RGPD2: variants seen among roughly 807,000 people sequenced by gnomAD.
The protein encoded by RGPD2 is RANBP2 like and GRIP domain containing 2, also known as RANBP2-like and GRIP domain-containing protein 2.
Under a neutral mutation model 36.0 loss-of-function variants are expected in RGPD2, and 2 were observed. That is an observed-to-expected ratio of 0.06 (90% CI 0.02 to 0.17). The LOEUF (loss-of-function observed/expected upper bound fraction) is 0.17, where lower values mean the gene tolerates loss of function less well. Among genes scored for constraint, RGPD2 ranks in the 10% least tolerant of loss-of-function variants. The probability of loss-of-function intolerance (pLI) is 1.00; values close to 1 mark genes in which losing one functional copy is unlikely to be tolerated. For synonymous variants in RGPD2, 19 were observed against 163.8 expected (o/e 0.12, Z 6.75); for missense variants, 40 against 464.3 (o/e 0.09, Z 8.40).
the RGPD2 span, among the ~76,000 whole-genome samples, chr2:87,987,899 T>C: frequency 1.1e-5 from 1 of 91,344 alleles, no homozygotes; most frequent in South Asian, 5.3e-4. Flanking sequence ...TTTGTTTTTA[T>C]TTATTTAATT....
the RGPD2 span, among the ~76,000 whole-genome samples, chr2:87,834,067 T>C: frequency 9.5e-6 from 1 of 104,904 alleles, no homozygotes; most frequent in Admixed American, 1.1e-4. Context: ...ACAAAATCCA[T>C]CAATTTATAA....
the RGPD2 span, among the ~76,000 whole-genome samples, chr2:87,884,790 T>C: frequency 1.3e-5 from 2 of 152,082 alleles, no homozygotes; most frequent in East Asian, 3.9e-4. Flanking sequence ...AGAGATTAAA[T>C]AAAAATTAAA....
At chr2:87,929,138 G>A in the RGPD2 span, among the ~76,000 whole-genome samples, 1 of 151,866 alleles carries the variant, frequency 6.6e-6, no homozygotes, top group Non-Finnish European at 1.5e-5. Flanking sequence ...CCTATATCCT[G>A]AATGATATTG....
chr2:87,831,297 G>C, the RGPD2 span, among the ~76,000 whole-genome samples: 2 of 152,018 alleles, frequency 1.3e-5, no homozygotes, highest in East Asian at 1.9e-4. Context: ...TTTTTTACTG[G>C]ACACAGTGTA....
chr2:87,864,627 T>C, the RGPD2 span, among the ~76,000 whole-genome samples: 1 of 13,488 alleles, frequency 7.4e-5, no homozygotes, highest in Non-Finnish European at 1.7e-4. Flanking sequence ...GATAGATACA[T>C]AGATGATAGA....
the RGPD2 span, among the ~76,000 whole-genome samples, chr2:87,860,688 C>T: frequency 6.6e-6 from 1 of 152,068 alleles, no homozygotes; most frequent in South Asian, 2.1e-4. Context: ...AACTCTAATT[C>T]CATGTAATAT....
the RGPD2 span, among the ~76,000 whole-genome samples, chr2:87,988,535 ATATATATTTTTTT>A: frequency 1.2e-4 from 3 of 25,740 alleles, no homozygotes; most frequent in South Asian, 2.6e-3. Context: ...ATATATATAT[ATATATATTTTTTT>A]TTTTTCTTTT....
At chr2:87,957,838 C>G in the RGPD2 span, among the ~76,000 whole-genome samples, 1 of 152,294 alleles carries the variant, frequency 6.6e-6, no homozygotes, top group African/African-American at 2.4e-5. Context: ...TGGAGCTTTG[C>G]ACATCATTGC....
At chr2:87,877,934 G>A in the RGPD2 span, among the ~76,000 whole-genome samples, 1 of 151,532 alleles carries the variant, frequency 6.6e-6, no homozygotes, top group Non-Finnish European at 1.5e-5. Context: ...AGGTGACCTG[G>A]ACTTTCTCTC....
At chr2:87,986,819 G>T in the RGPD2 span, among the ~76,000 whole-genome samples, 2 of 151,164 alleles carry the variant, frequency 1.3e-5, no homozygotes, top group South Asian at 4.2e-4. Context: ...GGCAGAGGTT[G>T]CAGTGAGCCA....
the RGPD2 span, among the ~76,000 whole-genome samples, chr2:87,918,749 C>T: frequency 6.6e-6 from 1 of 151,422 alleles, no homozygotes; most frequent in Non-Finnish European, 1.5e-5. Context: ...TTAATATGTA[C>T]TCAGTAATAG....
the RGPD2 span, among the ~76,000 whole-genome samples, chr2:87,915,026 A>C: frequency 6.6e-6 from 1 of 151,906 alleles, no homozygotes; most frequent in Non-Finnish European, 1.5e-5. Flanking sequence ...GCATGCCTGT[A>C]ATCCCAGGTA....
chr2:87,861,062 T>A, the RGPD2 span, among the ~76,000 whole-genome samples: 1 of 152,174 alleles, frequency 6.6e-6, no homozygotes, highest in East Asian at 1.9e-4. Context: ...ATTTTGTTTT[T>A]TTCTTGAATT....
At chr2:87,771,119 C>G (rs1323982696) in intron 22 of RGPD2, among the ~76,000 whole-genome samples, 2 of 228 alleles carry the variant, frequency 8.8e-3, no homozygotes, top group Non-Finnish European at 0.017. Flanking sequence ...CTAACTCTCC[C>G]CTATTTACGC....
chr2:87,830,237 C>T (rs1238700377), upstream of RGPD2, among the ~76,000 whole-genome samples: 5 of 152,266 alleles, frequency 3.3e-5, no homozygotes, highest in African/African-American at 1.2e-4. Flanking sequence ...TTGCAGGGTA[C>T]AGGCTCTCTC....
chr2:87,876,256 C>A, the RGPD2 span, among the ~76,000 whole-genome samples: 212 of 139,790 alleles, frequency 1.5e-3, no homozygotes, highest in East Asian at 0.039. Context: ...TTGTTGTCAT[C>A]TGCTAGTTTT....
At chr2:87,986,184 G>GGAGT in the RGPD2 span, among the ~76,000 whole-genome samples, 1 of 145,988 alleles carries the variant, frequency 6.8e-6, no homozygotes, top group Non-Finnish European at 1.5e-5. Flanking sequence ...TGCCCAGGCT[G>GGAGT]GAGTGCTGTG....
At chr2:87,870,313 G>A in the RGPD2 span, among the ~76,000 whole-genome samples, 2 of 152,262 alleles carry the variant, frequency 1.3e-5, no homozygotes, top group Non-Finnish European at 2.9e-5. Context: ...ATAGACCAAA[G>A]TCTATAGCTC....
chr2:87,893,053 CTACTT>C, the RGPD2 span, among the ~76,000 whole-genome samples: 5 of 140,594 alleles, frequency 3.6e-5, no homozygotes, highest in Admixed American at 3.6e-4. Context: ...TTATCTCACT[CTACTT>C]TATCTCTCTT....
Sources: gnomAD v4.1 joint callset for allele counts (sites outside exome capture counted in the v4.1 genomes callset) on GRCh38, gnomAD v4.1.1 for gene constraint, MANE v1.5 for transcripts, NCBI Gene and HGNC (gene_info 2026-07-23, HGNC 2026-07-21) for gene names.